The following ANKRD6 variants were observed in gnomAD, a reference collection of about 807,000 sequenced individuals.
ANKRD6 encodes the protein ankyrin repeat domain-containing protein 6.
A neutral mutation model predicts 82.3 loss-of-function variants in ANKRD6; 56 were observed. That is an observed-to-expected ratio of 0.68 (90% CI 0.55 to 0.85). The LOEUF is 0.85. Among genes scored for constraint, ANKRD6 ranks in the 40% least tolerant of loss-of-function variants. ANKRD6 has a pLI of 0.00. For missense variants in ANKRD6, 852 were observed against 907.6 expected (o/e 0.94, Z 0.79); for synonymous variants, 347 against 352.1 (o/e 0.99, Z 0.16).
intron 1 of ANKRD6, among the ~76,000 whole-genome samples, chr6:89,513,993 A>T (rs181576735): frequency 1.4e-3 from 220 of 152,364 alleles, no homozygotes; most frequent in Middle Eastern, 3.4e-3. Flanking sequence ...TAAACCTTAC[A>T]TCAAGCTTGT....
At chr6:89,548,676 G>T (rs768074359) in intron 1 of ANKRD6, among the ~76,000 whole-genome samples, 4 of 152,178 alleles carry the variant, frequency 2.6e-5, no homozygotes, top group Admixed American at 6.5e-5. Context: ...TAGAAGCCCA[G>T]CATATTATAG....
chr6:89,539,484 G>A (rs183150612), intron 1 of ANKRD6, among the ~76,000 whole-genome samples: 3 of 151,918 alleles, frequency 2.0e-5, no homozygotes, highest in African/African-American at 7.3e-5. Flanking sequence ...ATGTATATAA[G>A]CATTTATTAT....
intron 2 of ANKRD6, among the ~76,000 whole-genome samples, chr6:89,594,949 G>A (rs542867017): frequency 6.6e-6 from 1 of 152,220 alleles, no homozygotes; most frequent in South Asian, 2.1e-4. Flanking sequence ...ATAGGGTCTC[G>A]CTGTGTTGCC....
At chr6:89,623,332 C>G (rs10944454) in intron 10 of ANKRD6, 78 bp from the exon 11 acceptor site, 3 of 1,501,724 alleles carry the variant, frequency 2.0e-6, no homozygotes, top group African/African-American at 2.8e-5. Flanking sequence ...TGGAATCTTG[C>G]AAAGAATATT....
At position 89,457,170 on chromosome 6, in the gene ANKRD6, G is replaced by A. The variant is rs1359748808; in HGVS notation, c.-144+23795G>A. ...GCAGCTGGCTTCCACCAGAGCAAGT[G>A]ATTCAAGATGCTAAGACAAGCTGCA... On this transcript the variant is annotated intron_variant, in intron 1 of 15. Transcript: ENST00000339746. 2.0e-5 allele frequency among the ~76,000 whole-genome samples: 3 copies of A among 152,182 alleles called. No individual in the cohort carries two copies. The South Asian group carries it at 6.2e-4, about 32-fold the overall frequency.
At chr6:89,503,942 A>C (rs1779536577) in intron 1 of ANKRD6, among the ~76,000 whole-genome samples, 1 of 152,002 alleles carries the variant, frequency 6.6e-6, no homozygotes, top group Non-Finnish European at 1.5e-5. Context: ...GAGGTGATGT[A>C]ATCAGAGAGG....
intron 1 of ANKRD6, among the ~76,000 whole-genome samples, chr6:89,532,075 G>A (rs892360710): frequency 2.6e-5 from 4 of 152,162 alleles, no homozygotes; most frequent in Admixed American, 6.5e-5. Flanking sequence ...GCTTGGGAGA[G>A]GCTGGTCTTT....
chr6:89,620,794 G>A (rs1382666632), intron 9 of ANKRD6, among the ~76,000 whole-genome samples: 4 of 152,068 alleles, frequency 2.6e-5, no homozygotes, highest in East Asian at 3.9e-4. Flanking sequence ...GGCCGGGTGC[G>A]GTGGCTCATG....
intron 5 of ANKRD6, among the ~76,000 whole-genome samples, chr6:89,611,238 A>G (rs1225557260): frequency 1.3e-5 from 2 of 151,794 alleles, no homozygotes; most frequent in Non-Finnish European, 2.9e-5. Flanking sequence ...GAGTATCGGC[A>G]GCCAGGACTG....
chr6:89,599,523 AG>A (rs1796618317), intron 3 of ANKRD6, among the ~76,000 whole-genome samples: 1 of 152,210 alleles, frequency 6.6e-6, no homozygotes, highest in Non-Finnish European at 1.5e-5. Context: ...GTATGTATTG[AG>A]GCCACATCTT....
intron 1 of ANKRD6, among the ~76,000 whole-genome samples, chr6:89,546,053 C>T (rs558540161): frequency 7.2e-5 from 11 of 152,246 alleles, no homozygotes; most frequent in Non-Finnish European, 1.5e-4. Context: ...ATGATCTGCC[C>T]GCCTCAGCCT....
At chr6:89,501,069 C>T (rs1317697320) in intron 1 of ANKRD6, among the ~76,000 whole-genome samples, 6 of 150,808 alleles carry the variant, frequency 4.0e-5, no homozygotes, top group South Asian at 2.1e-4. Context: ...ACGGGGCTTG[C>T]ACCTGAGGCC....
chr6:89,566,642 C>A lies in ANKRD6; in HGVS notation c.-143-192C>A, dbSNP rs377051674. On this transcript the variant is annotated intron_variant, in intron 1 of 15. Transcript: ENST00000339746. ...AAGAAGGGAGGGAAGTTGGCACATTCTGCTGCCTTCCACTTGGAAGTTCTG... is the reference window on the plus strand; with the variant it reads ...AAGAAGGGAGGGAAGTTGGCACATTATGCTGCCTTCCACTTGGAAGTTCTG... Among the ~76,000 whole-genome samples, 49 of 152,352 alleles carry A rather than the reference C, an allele frequency of 3.2e-4. 1 individual carries two copies. In the South Asian group the frequency reaches 6.8e-3, roughly 21 times the overall value.
At chr6:89,459,021 G>A (rs977918500) in intron 1 of ANKRD6, among the ~76,000 whole-genome samples, 32 of 152,188 alleles carry the variant, frequency 2.1e-4, no homozygotes, top group African/African-American at 5.5e-4. Context: ...TGGTATAGGC[G>A]CTTCGTGTCC....
In ANKRD6 at chr6:89,596,381, G is replaced by A. The variant is rs564813013; in HGVS notation, c.219+367G>A. Among the ~76,000 whole-genome samples, 195 of 152,196 alleles carry A rather than the reference G, an allele frequency of 1.3e-3. 3 individuals are homozygous for A. The South Asian group carries it at 0.038, about 30-fold the overall frequency. ...TTAGTGAGTATGGGCAAGACTTGCC[G>A]GAAATGTGTGTCAATGACCAAATTT... On this transcript the variant is annotated intron_variant, in intron 3 of 15. Transcript: ENST00000339746.
Position 89,624,615 on chromosome 6 carries a change from T to A in ANKRD6, c.1295T>A (p.Ile432Lys), listed in dbSNP as rs1275909066. The change falls in exon 13 of 16, where the codon ATA becomes AAA. Residue 432 changes from isoleucine to lysine, a missense_variant. Ile to Lys is a moderately radical substitution (Grantham distance 102). Transcript: ENST00000339746. ...CAGTTGGAGGCTACTGTGGAGGAGA[T>A]AAAAGCAGAGCTGGGATCGGTTCAG... Reference protein sequence around the residue: ...ENQLEATVEEIKAELGSVQDK... With the variant: ...ENQLEATVEEKKAELGSVQDK... 1 of 1,575,186 alleles carries A rather than the reference T, an allele frequency of 6.3e-7. No individual in the cohort carries two copies. The highest frequency in any genetic ancestry group is 8.6e-7 in the Non-Finnish European group (1 of 1,159,942).
At chr6:89,578,111 A>G (rs942434730) in intron 2 of ANKRD6, among the ~76,000 whole-genome samples, 3 of 152,194 alleles carry the variant, frequency 2.0e-5, no homozygotes, top group African/African-American at 7.2e-5. Context: ...GCCACAGGGC[A>G]GGTAGCATGG....
chr6:89,551,416 C>T (rs368387591), intron 1 of ANKRD6, among the ~76,000 whole-genome samples: 29 of 152,126 alleles, frequency 1.9e-4, no homozygotes, highest in Non-Finnish European at 2.2e-4. Context: ...CTGGCTGAGG[C>T]TGGGGAATGT....
chr6:89,618,282 A>G (rs1802123046), intron 9 of ANKRD6: 5 of 652,676 alleles, frequency 7.7e-6, no homozygotes, highest in African/African-American at 7.2e-5. Flanking sequence ...CCAGCTGCCT[A>G]GGTCATAGTT....
Sources: gnomAD v4.1 joint callset for allele counts (sites outside exome capture counted in the v4.1 genomes callset) on GRCh38, gnomAD v4.1.1 for gene constraint, MANE v1.5 for transcripts, NCBI Gene and HGNC (gene_info 2026-07-23, HGNC 2026-07-21) for gene names.